Variants in PEX14 observed in about 807,000 individuals in gnomAD.
The protein encoded by PEX14 is peroxisomal membrane protein PEX14.
A neutral mutation model predicts 49.5 loss-of-function variants in PEX14; 15 were observed. That is an observed-to-expected ratio of 0.30 (90% CI 0.20 to 0.47). The LOEUF is 0.47. Among genes scored for constraint, PEX14 ranks in the 20% least tolerant of loss-of-function variants. PEX14 has a pLI of 1.00. For synonymous variants in PEX14, 210 were observed against 212.7 expected (o/e 0.99, Z 0.11); for missense variants, 398 against 494.8 (o/e 0.80, Z 1.86).
chr1:10,501,242 A>T (rs976318023), intron 2 of PEX14, among the ~76,000 whole-genome samples: 1 of 152,188 alleles, frequency 6.6e-6, no homozygotes, highest in Non-Finnish European at 1.5e-5. Context: ...TCGGGATGCA[A>T]GTGATTGGGG....
intron 3 of PEX14, among the ~76,000 whole-genome samples, chr1:10,544,381 C>G (rs1639107300): frequency 6.6e-6 from 1 of 152,106 alleles, no homozygotes; most frequent in Admixed American, 6.5e-5. Flanking sequence ...ATTCTTTGAA[C>G]TATACCACGT....
chr1:10,619,213 TAGA>T (rs1483335692), intron 5 of PEX14, among the ~76,000 whole-genome samples: 3 of 152,000 alleles, frequency 2.0e-5, no homozygotes, highest in African/African-American at 7.3e-5. Flanking sequence ...GTCTAGAGTC[TAGA>T]AAATGCAGGC....
Position 10,490,700 on chromosome 1 carries a change from C to CT in PEX14, c.37-4555dup, listed in dbSNP as rs34914348. On this transcript the variant is annotated intron_variant, in intron 1 of 8. Coordinates refer to ENST00000356607, the MANE Select transcript of PEX14 (RefSeq NM_004565.3). ...AGATGCCTGTGGGTGGTTTCTAAGC[C>CT]TTTTTTTTTTTTTTTTTTTCTGAGA... Among the ~76,000 whole-genome samples, 939 of 132,564 alleles carry CT rather than the reference C, an allele frequency of 7.1e-3. 19 individuals carry two copies. The highest frequency in any genetic ancestry group is 0.031 in the Admixed American group (390 of 12,618). The allele number at this position is 132,564 out of a possible 152,430, so 87.0% of individuals were successfully genotyped here.
intron 3 of PEX14, among the ~76,000 whole-genome samples, chr1:10,587,677 G>C (rs1397637558): frequency 6.6e-6 from 1 of 151,950 alleles, no homozygotes; most frequent in African/African-American, 2.4e-5. Context: ...TTATGGCTTT[G>C]TTTGTAGCAG....
chr1:10,602,092 G>T (rs1398633876), intron 4 of PEX14, among the ~76,000 whole-genome samples: 2 of 152,194 alleles, frequency 1.3e-5, no homozygotes, highest in African/African-American at 4.8e-5. Context: ...AGAGGCAAAA[G>T]AATGGGGTGG....
At chr1:10,583,148 C>T (rs993672160) in intron 3 of PEX14, among the ~76,000 whole-genome samples, 4 of 152,024 alleles carry the variant, frequency 2.6e-5, no homozygotes, top group Non-Finnish European at 5.9e-5. Flanking sequence ...CCGTACCCCT[C>T]CGGACCTCTC....
chr1:10,584,466 C>T (rs1640421755), intron 3 of PEX14, among the ~76,000 whole-genome samples: 1 of 152,128 alleles, frequency 6.6e-6, no homozygotes, highest in Admixed American at 6.5e-5. Context: ...TCCCCGACTC[C>T]CACCCCAAAT....
chr1:10,537,023 A>G (rs1336153701), intron 3 of PEX14, among the ~76,000 whole-genome samples: 1 of 152,190 alleles, frequency 6.6e-6, no homozygotes, highest in African/African-American at 2.4e-5. Context: ...TCTTCCTCCC[A>G]AAGCAAAACT....
intron 4 of PEX14, among the ~76,000 whole-genome samples, chr1:10,607,345 C>G (rs992217748): frequency 1.3e-5 from 2 of 152,176 alleles, no homozygotes; most frequent in Non-Finnish European, 2.9e-5. Flanking sequence ...ACGAATAAAA[C>G]TTTTGTGAAC....
intron 3 of PEX14, among the ~76,000 whole-genome samples, chr1:10,572,051 T>TA (rs958389184): frequency 6.6e-6 from 1 of 152,096 alleles, no homozygotes; most frequent in African/African-American, 2.4e-5. Context: ...GGACACAAGT[T>TA]AGAGATTTTA....
chr1:10,535,647 T>C (rs763455248), intron 2 of PEX14, among the ~76,000 whole-genome samples: 4 of 152,188 alleles, frequency 2.6e-5, no homozygotes, highest in Admixed American at 1.3e-4. Flanking sequence ...AATTATGTCT[T>C]CAATTATATG....
At chr1:10,526,871 G>A (rs756127526) in intron 2 of PEX14, among the ~76,000 whole-genome samples, 1 of 152,088 alleles carries the variant, frequency 6.6e-6, no homozygotes, top group Non-Finnish European at 1.5e-5. Context: ...CATCCCGTTA[G>A]TAGCAGATCT....
intron 2 of PEX14, among the ~76,000 whole-genome samples, chr1:10,509,008 C>T (rs1384648801): frequency 6.6e-6 from 1 of 151,756 alleles, no homozygotes; most frequent in African/African-American, 2.4e-5. Flanking sequence ...GCGATCTCGG[C>T]TCACTGCAAA....
intron 2 of PEX14, chr1:10,528,428 G>C (rs1638553584): frequency 3.5e-6 from 1 of 288,878 alleles, no homozygotes. Flanking sequence ...CTAGGAAATA[G>C]AGGCAGTGTT....
At chr1:10,600,590 C>T (rs756583016) in intron 4 of PEX14, among the ~76,000 whole-genome samples, 90 of 151,878 alleles carry the variant, frequency 5.9e-4, no homozygotes, top group Admixed American at 2.1e-3. Flanking sequence ...TGGTGGCACA[C>T]GCCTGTAATC....
chr1:10,595,856 G>A (rs2387230), intron 3 of PEX14, among the ~76,000 whole-genome samples: 21,229 of 59,820 alleles, frequency 0.35, 1,885 homozygotes, highest in Middle Eastern at 0.47. Flanking sequence ...GGTAAACAAC[G>A]CAAAGAAGAT....
At position 10,630,664 on chromosome 1, in the gene PEX14, G is replaced by A. The variant is rs1199693901; in HGVS notation, c.*677G>A. 6.5e-6 allele frequency: 1 copy of A among 153,520 alleles called. No homozygotes were observed. The highest frequency in any genetic ancestry group is 1.9e-4 in the East Asian group (1 of 5,204). 9.5% of individuals were successfully genotyped at this position (153,520 alleles called of 1,614,324 possible). A position where few individuals can be genotyped will look rare whatever the true frequency, so the allele number is the denominator to read the frequency against. ...ACAGCCAGCTCTGTCCTTCCCCCCA[G>A]GAAACACATGTTCATTTGTGTGATC... is the stretch of plus-strand genomic sequence containing the variant. On this transcript the variant is annotated 3_prime_UTR_variant, in exon 9 of 9. Coordinates refer to ENST00000356607, the MANE Select transcript of PEX14 (RefSeq NM_004565.3). The surrounding 1 kb of genome is among the most constrained non-coding windows in gnomAD (Gnocchi z 4.1).
chr1:10,553,551 A>G lies in PEX14; in HGVS notation c.169+17254A>G, dbSNP rs531271238. ...CTGAAATTTGAGACTCTCTGAAGAA[A>G]GGGAAGATGGCATTTATGAAGCAAG... On this transcript the variant is annotated intron_variant, in intron 3 of 8. Transcript: ENST00000356607. Among the ~76,000 whole-genome samples, 521 of 152,330 alleles carry G rather than the reference A, an allele frequency of 3.4e-3. 4 individuals carry two copies. Among genetic ancestry groups the G allele is most frequent in the Non-Finnish European group, 3.0e-3 (203 of 68,018 alleles).
At chr1:10,559,578 GCCA>G (rs1318302403) in intron 3 of PEX14, among the ~76,000 whole-genome samples, 1 of 152,158 alleles carries the variant, frequency 6.6e-6, no homozygotes, top group Non-Finnish European at 1.5e-5. Flanking sequence ...GCGGTCCATT[GCCA>G]CGGCTGCTGC....
Sources: allele counts gnomAD v4.1 joint callset (sites outside exome capture counted in the v4.1 genomes callset), GRCh38; gene constraint gnomAD v4.1.1; non-coding constraint Gnocchi (gnomAD v3.1); transcripts MANE v1.5; gene names NCBI Gene and HGNC (gene_info 2026-07-23, HGNC 2026-07-21).